Variants in CD82 observed in about 807,000 individuals in gnomAD.
CD82 encodes the protein CD82 antigen.
Under a neutral mutation model 37.4 loss-of-function variants are expected in CD82, and 36 were observed. The ratio of observed to expected loss-of-function variants is 0.96; its 90% CI spans 0.74 to 1.27. The LOEUF is 1.27. Among genes scored for constraint, CD82 ranks in the 50% most tolerant of loss-of-function variants. The pLI is 0.00. For synonymous variants in CD82, 158 were observed against 137.4 expected, an observed-to-expected ratio of 1.15 and a Z score of -1.05; for missense variants, 340 against 347.0, an observed-to-expected ratio of 0.98 and a Z score of 0.16.
intron 1 of CD82, among the ~76,000 whole-genome samples, chr11:44,576,478 A>G (rs1852892873): frequency 6.6e-6 from 1 of 152,190 alleles, no homozygotes; most frequent in African/African-American, 2.4e-5. Flanking sequence ...GGATGGCAGC[A>G]GGTCCTGTTC....
chr11:44,597,480 C>T lies in CD82; in HGVS notation c.64-2678C>T, dbSNP rs1853245959. ...CTGCCCAGCCTCCTTTCTGGCTCTGCCACAGCCCCGTGGCTAATCCAGCCA... is the reference window on the plus strand; with the variant it reads ...CTGCCCAGCCTCCTTTCTGGCTCTGTCACAGCCCCGTGGCTAATCCAGCCA... On this transcript the variant is annotated intron_variant, in intron 3 of 9. Coordinates refer to ENST00000227155, the MANE Select transcript of CD82 (RefSeq NM_002231.4). The surrounding 1 kb of genome is among the most constrained non-coding windows in gnomAD (Gnocchi z 4.1). 6.6e-6 allele frequency among the ~76,000 whole-genome samples: 1 copy of T among 152,240 alleles called. No homozygotes were observed. The highest frequency in any genetic ancestry group is 2.1e-4 in the South Asian group (1 of 4,836).
chr11:44,577,159 C>T (rs1024312282), intron 1 of CD82, among the ~76,000 whole-genome samples: 3 of 152,162 alleles, frequency 2.0e-5, no homozygotes, highest in Non-Finnish European at 4.4e-5. Context: ...CTGCCCAGGC[C>T]TTGCACGTGA....
At chr11:44,587,197 C>G in intron 1 of CD82, 1 of 345,042 alleles carries the variant, frequency 2.9e-6, no homozygotes, top group South Asian at 2.2e-5. Context: ...GCCTTCTGAG[C>G]CAAGGCTTGT....
intron 1 of CD82, among the ~76,000 whole-genome samples, chr11:44,580,181 G>A (rs1852960315): frequency 6.6e-6 from 1 of 152,176 alleles, no homozygotes; most frequent in African/African-American, 2.4e-5. Context: ...AGTTCTTGTA[G>A]TTAGAGACCT....
rs1043512248 is a variant in CD82, at chr11:44,619,099, A to G, written c.777A>G (p.Glu259=). 1 of 1,613,080 alleles carries G rather than the reference A, an allele frequency of 6.2e-7. No homozygotes were observed. The highest frequency in any genetic ancestry group is 8.5e-7 in the Non-Finnish European group (1 of 1,179,754). The change falls in exon 10 of 10, where the codon GAA becomes GAG. Residue 259 remains glutamate, a synonymous_variant. Coordinates refer to ENST00000227155, the MANE Select transcript of CD82 (RefSeq NM_002231.4). ...GCTTGTGCCGGCACGTCCATTCCGA[A>G]GACTACAGCAAGGTCCCCAAGTACT... ...SICLCRHVHS[E]DYSKVPKY
intron 4 of CD82, among the ~76,000 whole-genome samples, chr11:44,600,909 CA>C (rs1220957612): frequency 6.6e-6 from 1 of 152,202 alleles, no homozygotes; most frequent in African/African-American, 2.4e-5. Context: ...ACTCGAACTC[CA>C]AGAGCTTTGG....
At chr11:44,572,282 T>G (rs1260488949) in intron 1 of CD82, among the ~76,000 whole-genome samples, 1 of 152,242 alleles carries the variant, frequency 6.6e-6, no homozygotes, top group Non-Finnish European at 1.5e-5. Flanking sequence ...ACGTACCCGT[T>G]ACGAAATACA....
chr11:44,618,672 G>T lies in CD82; in HGVS notation c.675G>T (p.Gln225His). The T allele has an allele frequency of 6.2e-7, 1 of 1,613,290 alleles. No homozygotes were observed. ...GCMEKVQAWL[Q>H]ENLGIILGVG... Reference sequence around the variant, plus strand: ...TGGAGAAGGTGCAGGCGTGGCTGCAGGAGAACCTGGGCATCATCCTCGGCG... The same window carrying T: ...TGGAGAAGGTGCAGGCGTGGCTGCATGAGAACCTGGGCATCATCCTCGGCG... The change falls in exon 9 of 10, where the codon CAG becomes CAT. Residue 225 changes from glutamine (Q) to histidine (H), a missense_variant. Physicochemically the swap from Gln to His is conservative, Grantham distance 24. Coordinates refer to ENST00000227155, the MANE Select transcript of CD82 (RefSeq NM_002231.4).
chr11:44,594,285 A>G (rs1853188339), intron 2 of CD82, among the ~76,000 whole-genome samples: 1 of 152,072 alleles, frequency 6.6e-6, no homozygotes, highest in Non-Finnish European at 1.5e-5. Flanking sequence ...ATGGATCACT[A>G]ACTTCCCGGC....
intron 3 of CD82, among the ~76,000 whole-genome samples, chr11:44,598,449 G>C (rs12281184): frequency 0.22 from 22,433 of 101,474 alleles, 2,061 homozygotes; most frequent in Middle Eastern, 0.38. Context: ...TCTCACTCTT[G>C]TTGTCCAGTC....
At chr11:44,584,635 C>G (rs1315385714) in intron 1 of CD82, among the ~76,000 whole-genome samples, 2 of 152,102 alleles carry the variant, frequency 1.3e-5, no homozygotes, top group African/African-American at 4.8e-5. Flanking sequence ...CCTGCTTATG[C>G]TCACTCTTCT....
chr11:44,591,430 C>T (rs902828080), intron 2 of CD82, among the ~76,000 whole-genome samples: 1 of 152,238 alleles, frequency 6.6e-6, no homozygotes, highest in Non-Finnish European at 1.5e-5. Flanking sequence ...AATACCAGCC[C>T]AGCCACGTCT....
intron 1 of CD82, among the ~76,000 whole-genome samples, chr11:44,575,674 G>A (rs966046154): frequency 6.6e-6 from 1 of 152,104 alleles, no homozygotes; most frequent in Non-Finnish European, 1.5e-5. Context: ...TCAGCTCCTG[G>A]TGTTGCTGAC....
At chr11:44,607,995 G>C (rs1295440736) in intron 6 of CD82, 1 of 152,230 alleles carries the variant, frequency 6.6e-6, no homozygotes, top group South Asian at 2.1e-4. Context: ...CCTAGTCCCA[G>C]CCTGCCTCAC....
chr11:44,612,294 G>C (rs1225616194), intron 6 of CD82, among the ~76,000 whole-genome samples: 1 of 152,222 alleles, frequency 6.6e-6, no homozygotes, highest in Admixed American at 6.5e-5. Flanking sequence ...CATGTTGGCT[G>C]TGTGACTTTG....
upstream of CD82, chr11:44,564,504 T>C (rs1590319772): frequency 2.2e-6 from 1 of 456,268 alleles, no homozygotes; most frequent in Non-Finnish European, 4.4e-6. Flanking sequence ...ATTAACCAGG[T>C]AATCTGCCTG....
At chr11:44,589,698 C>G (rs1853111229) in intron 2 of CD82, among the ~76,000 whole-genome samples, 1 of 152,222 alleles carries the variant, frequency 6.6e-6, no homozygotes, top group African/African-American at 2.4e-5. Flanking sequence ...CACACATTGG[C>G]AAAGCCAGGA....
chr11:44,580,438 G>C (rs1852963864), intron 1 of CD82, among the ~76,000 whole-genome samples: 1 of 152,180 alleles, frequency 6.6e-6, no homozygotes, highest in Non-Finnish European at 1.5e-5. Flanking sequence ...GTTAGGAAAG[G>C]GTAGACAGGC....
At chr11:44,564,600 C>T (rs1852700410), upstream of CD82, 1 of 417,346 alleles carries the variant, frequency 2.4e-6, no homozygotes, top group Admixed American at 2.7e-5. Context: ...TGCAGCCCAC[C>T]TCAATTTTGG....
Sources: gnomAD v4.1 joint callset for allele counts (sites outside exome capture counted in the v4.1 genomes callset) on GRCh38, gnomAD v4.1.1 for gene constraint, Gnocchi (gnomAD v3.1) non-coding constraint, MANE v1.5 for transcripts, NCBI Gene and HGNC (gene_info 2026-07-23, HGNC 2026-07-21) for gene names.